The following MRAS variants were observed in gnomAD, a reference collection of about 807,000 sequenced individuals.
MRAS encodes ras-related protein M-Ras.
Under a neutral mutation model 20.9 loss-of-function variants are expected in MRAS, and 4 were observed. That is an observed-to-expected ratio of 0.19 (90% CI 0.09 to 0.44). The LOEUF is 0.44. MRAS is among the 20% of genes least tolerant of loss of function. The pLI is 0.99. For missense variants in MRAS, 154 were observed against 277.5 expected, an observed-to-expected ratio of 0.56 and a Z score of 3.16; for synonymous variants, 98 against 102.9, an observed-to-expected ratio of 0.95 and a Z score of 0.29.
chr3:138,388,995 C>T (rs545307714), intron 2 of MRAS, among the ~76,000 whole-genome samples: 3 of 152,142 alleles, frequency 2.0e-5, no homozygotes, highest in Admixed American at 6.5e-5. Context: ...GTACCCACCA[C>T]CATGCCCAGC....
At chr3:138,366,000 G>A (rs1345911134) in intron 1 of MRAS, among the ~76,000 whole-genome samples, 1 of 152,194 alleles carries the variant, frequency 6.6e-6, no homozygotes, top group East Asian at 1.9e-4. Context: ...GAGGCCCAAT[G>A]ACAGTGCCAC....
intron 2 of MRAS, among the ~76,000 whole-genome samples, chr3:138,380,339 G>C (rs917259322): frequency 6.6e-6 from 1 of 151,550 alleles, no homozygotes; most frequent in Non-Finnish European, 1.5e-5. Flanking sequence ...CTGAAATGAG[G>C]TCTCACTCTG....
intron 2 of MRAS, among the ~76,000 whole-genome samples, chr3:138,385,813 C>G (rs1054040302): frequency 1.3e-5 from 2 of 152,150 alleles, no homozygotes; most frequent in South Asian, 2.1e-4. Context: ...CTGTTCCAGG[C>G]CAATGTATTT....
intron 2 of MRAS, among the ~76,000 whole-genome samples, chr3:138,378,724 A>G (rs1446623880): frequency 3.3e-5 from 5 of 152,200 alleles, no homozygotes; most frequent in African/African-American, 1.2e-4. Flanking sequence ...TTTTATTGTG[A>G]TAAAGTGTAC....
At chr3:138,400,314 G>A (rs765027007) in intron 4 of MRAS, 5 of 507,868 alleles carry the variant, frequency 9.8e-6, no homozygotes, top group African/African-American at 1.9e-5. Flanking sequence ...ATATCTCTGT[G>A]CCTAGAGAAC....
intron 1 of MRAS, among the ~76,000 whole-genome samples, chr3:138,365,069 C>T (rs941313397): frequency 6.6e-6 from 1 of 152,176 alleles, no homozygotes; most frequent in Non-Finnish European, 1.5e-5. Flanking sequence ...TTTCAGATCC[C>T]GACACTGCCT....
rs189429863 is a variant in MRAS, at chr3:138,403,946, G to A, written c.*1677G>A. The A allele has an allele frequency of 6.6e-6, 1 of 152,262 alleles. No individual in the cohort carries two copies. The highest frequency in any genetic ancestry group is 1.9e-4 in the East Asian group (1 of 5,182). The allele number at this position is 152,262 out of a possible 1,614,324, so 9.4% of individuals were successfully genotyped here. A position where few individuals can be genotyped will look rare whatever the true frequency, so the allele number is the denominator to read the frequency against. ...CTCGGCAAGATCACCAGCACTGAGGGGCCCAGCTGGAGAATGATTCTGCTA... is the reference window on the plus strand; with the variant it reads ...CTCGGCAAGATCACCAGCACTGAGGAGCCCAGCTGGAGAATGATTCTGCTA... On this transcript the variant is annotated 3_prime_UTR_variant, in exon 6 of 6. Coordinates refer to ENST00000423968, the MANE Select transcript of MRAS (RefSeq NM_001085049.3).
intron 1 of MRAS, among the ~76,000 whole-genome samples, chr3:138,361,542 G>A (rs1345916502): frequency 2.0e-5 from 3 of 152,216 alleles, no homozygotes; most frequent in African/African-American, 4.8e-5. Context: ...AGAGAGGTGG[G>A]CAAAGGGGCC....
At position 138,366,388 on chromosome 3, in the gene MRAS, C is replaced by G. The variant is rs563312880; in HGVS notation, c.-18-6478C>G. 5.3e-5 allele frequency among the ~76,000 whole-genome samples: 8 copies of G among 152,374 alleles called. No homozygotes were observed. The South Asian group carries it at 1.0e-3, about 20-fold the overall frequency. ...ATTAATTATGAATGTGTCCTCCCTT[C>G]TAGCCTGATTTACCTAAAATACTTG... is the stretch of plus-strand genomic sequence containing the variant. On this transcript the variant is annotated intron_variant, in intron 1 of 5. Coordinates refer to ENST00000423968, the MANE Select transcript of MRAS (RefSeq NM_001085049.3).
At chr3:138,394,639 G>T (rs1464120720) in intron 2 of MRAS, among the ~76,000 whole-genome samples, 12 of 152,106 alleles carry the variant, frequency 7.9e-5, no homozygotes. Flanking sequence ...AGTCAAACAT[G>T]GTGTCTAATA....
At chr3:138,382,127 A>G (rs1356560506) in intron 2 of MRAS, among the ~76,000 whole-genome samples, 1 of 152,194 alleles carries the variant, frequency 6.6e-6, no homozygotes, top group African/African-American at 2.4e-5. Context: ...TTCATAGGGA[A>G]GCATGGCTGC....
intron 2 of MRAS, among the ~76,000 whole-genome samples, chr3:138,390,605 C>T (rs1244279701): frequency 1.3e-5 from 2 of 152,212 alleles, no homozygotes; most frequent in Non-Finnish European, 2.9e-5. Flanking sequence ...TCTTCAGCCT[C>T]CCCCAGGAAG....
At chr3:138,367,587 C>G (rs1436327723) in intron 1 of MRAS, among the ~76,000 whole-genome samples, 1 of 152,222 alleles carries the variant, frequency 6.6e-6, no homozygotes, top group Non-Finnish European at 1.5e-5. Flanking sequence ...GAGCCAGCCC[C>G]TTTCAGAAGG....
chr3:138,348,882 C>G (rs1369058632), intron 1 of MRAS, 115 bp downstream of exon 1: 1 of 152,012 alleles, frequency 6.6e-6, no homozygotes, highest in Non-Finnish European at 1.5e-5. Context: ...CGGCCGCGCT[C>G]TCCGCTTGCG....
At chr3:138,402,039 C>T (rs1245499374) in intron 5 of MRAS, 131 bp from the exon 6 acceptor site, 10 of 788,290 alleles carry the variant, frequency 1.3e-5, no homozygotes, top group Middle Eastern at 2.5e-4. Flanking sequence ...ATGGCATCCC[C>T]ATCCCCCTCA....
chr3:138,358,129 G>C (rs2054371237), intron 1 of MRAS, among the ~76,000 whole-genome samples: 1 of 152,142 alleles, frequency 6.6e-6, no homozygotes, highest in African/African-American at 2.4e-5. Context: ...GAGGTCAGGA[G>C]TTCGAGACCA....
At chr3:138,370,624 G>A (rs1227113338) in intron 1 of MRAS, among the ~76,000 whole-genome samples, 1 of 152,192 alleles carries the variant, frequency 6.6e-6, no homozygotes, top group African/African-American at 2.4e-5. Context: ...CGGGGCCACA[G>A]CTGGAACCTG....
At chr3:138,355,204 A>G (rs1344045835) in intron 1 of MRAS, among the ~76,000 whole-genome samples, 3 of 152,162 alleles carry the variant, frequency 2.0e-5, no homozygotes, top group African/African-American at 4.8e-5. Context: ...CTTTCACAGA[A>G]AAAACCAGGT....
intron 2 of MRAS, among the ~76,000 whole-genome samples, chr3:138,389,509 G>A (rs2055084574): frequency 6.7e-6 from 1 of 148,590 alleles, no homozygotes; most frequent in Non-Finnish European, 1.5e-5. Context: ...TGGAGAGGAG[G>A]GGAAAGGGCA....
Sources: allele counts gnomAD v4.1 joint callset (sites outside exome capture counted in the v4.1 genomes callset), GRCh38; gene constraint gnomAD v4.1.1; transcripts MANE v1.5; gene names NCBI Gene and HGNC (gene_info 2026-07-23, HGNC 2026-07-21).